The following LBR variants were observed in gnomAD, a reference collection of about 807,000 sequenced individuals.
LBR encodes delta(14)-sterol reductase LBR.
Under a neutral mutation model 74.3 loss-of-function variants are expected in LBR, and 28 were observed. That is an observed-to-expected ratio of 0.38 (90% CI 0.28 to 0.52). The LOEUF is 0.52. LBR is among the 20% of genes least tolerant of loss of function. The pLI, the probability that LBR is intolerant of heterozygous loss-of-function variation, is 0.89. For missense variants in LBR, 717 were observed against 760.3 expected, an observed-to-expected ratio of 0.94 and a Z score of 0.67; for synonymous variants, 228 against 269.3, an observed-to-expected ratio of 0.85 and a Z score of 1.50.
At chr1:225,404,792 T>C in intron 11 of LBR, 86 bp from the exon 12 acceptor site, 2 of 1,017,788 alleles carry the variant, frequency 2.0e-6, no homozygotes, top group Middle Eastern at 3.1e-4. Flanking sequence ...TAAAAATGAT[T>C]TCTATGCTCT....
At chr1:225,406,495 CCATT>C (rs1330775405) in intron 11 of LBR, 165 bp downstream of exon 11, 1 of 610,168 alleles carries the variant, frequency 1.6e-6, no homozygotes, top group South Asian at 2.2e-5. Flanking sequence ...TACGAACCAT[CCATT>C]CTCTTTGCAA....
At chr1:225,403,765 G>A (rs1255379846) in intron 13 of LBR, among the ~76,000 whole-genome samples, 1 of 152,082 alleles carries the variant, frequency 6.6e-6, no homozygotes, top group Non-Finnish European at 1.5e-5. Context: ...CAGCAAAGAA[G>A]AAAAACTGCT....
chr1:225,422,358 A>G (rs1269417299), intron 2 of LBR, 81 bp from the exon 3 acceptor site: 3 of 1,155,908 alleles, frequency 2.6e-6, no homozygotes, highest in Admixed American at 3.9e-5. Context: ...GAGGATAACA[A>G]AGGCAGGAAC....
chr1:225,412,773 C>T (rs994502567), intron 7 of LBR, 128 bp from the exon 8 acceptor site: 3 of 829,048 alleles, frequency 3.6e-6, no homozygotes, highest in Middle Eastern at 3.6e-4. Context: ...AGACTAAATA[C>T]ACACAAATAT....
At chr1:225,422,573 G>A (rs2150958739) in intron 2 of LBR, 1 of 374,116 alleles carries the variant, frequency 2.7e-6, no homozygotes, top group Non-Finnish European at 5.0e-6. Context: ...TATGCAAGAA[G>A]GGTAATAATT....
At chr1:225,418,943 A>T (rs1447872598) in intron 5 of LBR, among the ~76,000 whole-genome samples, 1 of 152,186 alleles carries the variant, frequency 6.6e-6, no homozygotes, top group African/African-American at 2.4e-5. Flanking sequence ...ATAAGTAACC[A>T]TCTATGCTAT....
Position 225,422,126 on chromosome 1 carries a change from A to C in LBR, c.317T>G (p.Ile106Ser). Residue 106 changes from isoleucine (I) to serine (S), a missense_variant, in exon 3 of 14, where the codon ATT (isoleucine) becomes AGT (serine). Physicochemically the swap from Ile to Ser is moderately radical, Grantham distance 142. Coordinates refer to ENST00000272163, the MANE Select transcript of LBR (RefSeq NM_002296.4). ...TTCCACTTCCCTCCTTGCTTCCTTA[A>C]TGTCGGCCTGGTGGGAAGCAGAAGC... ...RSASASHQAD[I>S]KEARREVEVK... 1 of 1,614,154 alleles carries C rather than the reference A, an allele frequency of 6.2e-7. No individual in the cohort carries two copies. The highest frequency in any genetic ancestry group is 8.5e-7 in the Non-Finnish European group (1 of 1,180,026).
intron 10 of LBR, among the ~76,000 whole-genome samples, chr1:225,408,801 A>G (rs1204102681): frequency 2.6e-5 from 4 of 152,384 alleles, no homozygotes; most frequent in Non-Finnish European, 1.5e-5. Context: ...CTTAAGATGC[A>G]AAAAATTTTC....
At chr1:225,428,261 CCGGTGAG>C (rs1290869229), upstream of LBR, among the ~76,000 whole-genome samples, 1 of 152,076 alleles carries the variant, frequency 6.6e-6, no homozygotes, top group Non-Finnish European at 1.5e-5. Context: ...GGCGGGGAGG[CCGGTGAG>C]CGGGGGAAAC....
Position 225,410,356 on chromosome 1 carries a change from A to G in LBR, c.1249T>C (p.Ser417Pro), listed in dbSNP as rs749737302. Reference sequence around the variant, plus strand: ...CTATTAACTAAAATCATGGCCAAGGATGGAACAGCGCGGTCCTGTATTTTC... The same window carrying G: ...CTATTAACTAAAATCATGGCCAAGGGTGGAACAGCGCGGTCCTGTATTTTC... Reference protein sequence around the residue: ...EMKIQDRAVPSLAMILVNSFQ... With the variant: ...EMKIQDRAVPPLAMILVNSFQ... Residue 417 changes from serine (S) to proline (P), a missense_variant, in exon 10 of 14, where the codon TCC becomes CCC. Physicochemically the swap from Ser to Pro is moderately conservative, Grantham distance 74 (BLOSUM62 -1). Coordinates refer to ENST00000272163, the MANE Select transcript of LBR (RefSeq NM_002296.4). 6.2e-7 allele frequency: 1 copy of G among 1,614,212 alleles called. No homozygotes were observed. Among genetic ancestry groups the G allele is most frequent in the Non-Finnish European group, 8.5e-7 (1 of 1,180,036 alleles).
In LBR at chr1:225,412,460, T is replaced by G; in HGVS notation, c.1078A>C (p.Ser360Arg). 4 of 1,614,006 alleles carry G rather than the reference T, an allele frequency of 2.5e-6. No homozygotes were observed. The highest frequency in any genetic ancestry group is 3.4e-6 in the Non-Finnish European group (4 of 1,179,964). Residue 360 changes from serine (S) to arginine (R), a missense_variant, in exon 8 of 14, where the codon AGC (serine) becomes CGC (arginine). Ser to Arg is a moderately radical substitution (Grantham distance 110). Transcript: ENST00000272163. ...GCAATTCATCACTGCTCACCAGAGCTGGCAGGCGACAGGTCATTCCGGGGC... is the reference window on the plus strand; with the variant it reads ...GCAATTCATCACTGCTCACCAGAGCGGGCAGGCGACAGGTCATTCCGGGGC... ...KAPRNDLSPA[S>R]SGNAVYDFFI...
rs150485706 is a variant in LBR, at chr1:225,404,544, T to G, written c.1565-18A>C. 9.1e-5 allele frequency: 144 copies of G among 1,585,194 alleles called. No homozygotes were observed. In the East Asian group the frequency reaches 2.9e-3, roughly 32 times the overall value. On this transcript the variant is annotated intron_variant, in intron 12 of 13. Coordinates refer to ENST00000272163, the MANE Select transcript of LBR (RefSeq NM_002296.4). Reference sequence around the variant, plus strand: ...TTTTAAATCTATATAAAAATAAAAGTACATTTTTAATGATGTCGAGACAAA... The same window carrying G: ...TTTTAAATCTATATAAAAATAAAAGGACATTTTTAATGATGTCGAGACAAA...
At chr1:225,403,956 CCT>C (rs957123205) in intron 13 of LBR, among the ~76,000 whole-genome samples, 8 of 149,796 alleles carry the variant, frequency 5.3e-5, no homozygotes, top group East Asian at 4.0e-4. Context: ...TCCAGCTCCC[CCT>C]GACACCCCAG....
At chr1:225,419,865 A>C in intron 3 of LBR, 67 bp from the exon 4 acceptor site, 2 of 1,147,012 alleles carry the variant, frequency 1.7e-6, no homozygotes, top group Non-Finnish European at 2.6e-6. Flanking sequence ...CATGATGGTA[A>C]AAACTTACTG....
Position 225,418,005 on chromosome 1 carries a change from G to A in LBR, c.816C>T (p.Phe272=), listed in dbSNP as rs770117907. 1.2e-5 allele frequency: 19 copies of A among 1,613,976 alleles called. No homozygotes were observed. Among genetic ancestry groups the A allele is most frequent in the East Asian group, 2.2e-5 (1 of 44,890 alleles). ...YLLWFLIQVL[F]YLLPIGKVVE... is the part of the protein sequence containing the mutation. ...GTACCTTTCCAATTGGCAGTAGGTA[G>A]AACAGGACTTGAATCAAAAACCACA... Residue 272 remains phenylalanine (F), a synonymous_variant, in exon 6 of 14, where the codon TTC becomes TTT. Transcript: ENST00000272163.
Position 225,419,413 on chromosome 1 carries a change from T to C in LBR, c.490A>G (p.Thr164Ala), listed in dbSNP as rs769591237. The C allele has an allele frequency of 1.9e-6, 3 of 1,613,718 alleles. No individual in the cohort carries two copies. Among genetic ancestry groups the C allele is most frequent in the Non-Finnish European group, 2.5e-6 (3 of 1,179,630 alleles). ...SLSQESSYIA[T>A]QYSLRPRREE... Reference sequence around the variant, plus strand: ...CTTCTTGGACGAAGGCTATACTGTGTTGCTATGTAACTGCTTTCTTGTGAC... The same window carrying C: ...CTTCTTGGACGAAGGCTATACTGTGCTGCTATGTAACTGCTTTCTTGTGAC... The change falls in exon 5 of 14, where the codon ACA becomes GCA. Residue 164 changes from threonine (T) to alanine (A), a missense_variant. By Grantham distance (58) the Thr-to-Ala change is moderately conservative. Transcript: ENST00000272163.
chr1:225,416,242 C>T (rs79212207), intron 6 of LBR, among the ~76,000 whole-genome samples: 14,754 of 151,432 alleles, frequency 0.097, 835 homozygotes, highest in South Asian at 0.13. Flanking sequence ...ACTGTGAGCA[C>T]GCATCATGCA....
At chr1:225,416,930 G>C (rs2150953807) in intron 6 of LBR, among the ~76,000 whole-genome samples, 1 of 152,188 alleles carries the variant, frequency 6.6e-6, no homozygotes, top group South Asian at 2.1e-4. Flanking sequence ...CTCAGATTTT[G>C]GTATGTACAG....
chr1:225,410,335 T>G lies in LBR; in HGVS notation c.1270A>C (p.Asn424His). 2 of 1,614,160 alleles carry G rather than the reference T, an allele frequency of 1.2e-6. No individual in the cohort carries two copies. Among genetic ancestry groups the G allele is most frequent in the Non-Finnish European group, 1.7e-6 (2 of 1,180,016 alleles). ...ACCACATAGAGAAGCTGGAAACTAT[T>G]AACTAAAATCATGGCCAAGGATGGA... ...AVPSLAMILV[N>H]SFQLLYVVDA... The change falls in exon 10 of 14, where the codon AAT becomes CAT. Residue 424 changes from asparagine to histidine, a missense_variant. Asn to His is a moderately conservative substitution (Grantham distance 68). Coordinates refer to ENST00000272163, the MANE Select transcript of LBR (RefSeq NM_002296.4).
Sources: allele counts gnomAD v4.1 joint callset (sites outside exome capture counted in the v4.1 genomes callset), GRCh38; gene constraint gnomAD v4.1.1; transcripts MANE v1.5; gene names NCBI Gene and HGNC (gene_info 2026-07-23, HGNC 2026-07-21).